Variants in TSC2 observed in about 807,000 individuals in gnomAD.
The protein encoded by TSC2 is tuberin.
TSC2 carries 29 observed loss-of-function variants against 202.2 expected under a neutral mutation model. That is an observed-to-expected ratio of 0.14 (90% confidence interval 0.11 to 0.20). The LOEUF (loss-of-function observed/expected upper bound fraction) is 0.20. Ranked by LOEUF, TSC2 falls within the 10% of genes least tolerant of loss-of-function variation. The probability of loss-of-function intolerance (pLI) is 1.00; values close to 1 mark genes in which losing one functional copy is unlikely to be tolerated. For synonymous variants in TSC2, 1,349 were observed against 1,044.0 expected (o/e 1.29, Z -5.63); for missense variants, 2,429 against 2,420.0 (o/e 1.00, Z -0.08).
chr16:2,088,898 C>CACACACAG lies in TSC2; in HGVS notation c.*289_*290insCACACAGA. 1 of 431,588 alleles carries CACACACAG rather than the reference C, an allele frequency of 2.3e-6. No individual in the cohort carries two copies. Among genetic ancestry groups the CACACACAG allele is most frequent in the Non-Finnish European group, 4.3e-6 (1 of 234,998 alleles). The allele number at this position is 431,588 out of a possible 1,614,324, so 26.7% of individuals were successfully genotyped here. On this transcript the variant is annotated 3_prime_UTR_variant, in exon 42 of 42. Transcript: ENST00000219476. ...GCGCGCGCGCACACACACACACACA[C>CACACACAG]AGTCACCTTCCTCCACCCTGGGAGC...
chr16:2,056,180 T>C lies in TSC2; in HGVS notation c.600-16T>C. 2 of 1,613,728 alleles carry C rather than the reference T, an allele frequency of 1.2e-6. No homozygotes were observed. The highest frequency in any genetic ancestry group is 2.2e-5 in the South Asian group (2 of 91,086). ...CCAGGCAGTGCTGCCGGGACTGAGC[T>C]CGGTGCTCCCTGCAGGATGATCTGT... On this transcript the variant is annotated splice_polypyrimidine_tract_variant and intron_variant, in intron 6 of 41. Coordinates refer to ENST00000219476, the MANE Select transcript of TSC2 (RefSeq NM_000548.5).
chr16:2,057,088 C>T lies in TSC2; in HGVS notation c.775-17C>T, dbSNP rs137854299. ...GGCTTATGCCTGCCAGCCCCTGACA[C>T]GCATTGTGTCTCGCAGCTGATGCGG... On this transcript the variant is annotated splice_polypyrimidine_tract_variant and intron_variant, in intron 8 of 41. Coordinates refer to ENST00000219476, the MANE Select transcript of TSC2 (RefSeq NM_000548.5). The T allele has an allele frequency of 1.4e-5, 21 of 1,550,848 alleles. No homozygotes were observed. The highest frequency in any genetic ancestry group is 5.5e-5 in the African/African-American group (4 of 73,024).
rs587778739 is a variant in TSC2 at position 2,084,557 on chromosome 16, G to A, written c.4335G>A (p.Leu1445=). ...EDSRGQPEGP[L]PSSSPRSPSG... Reference sequence around the variant, plus strand: ...GTCGGGGCCAGCCCGAGGGTCCCTTGCCTTCCAGCTCCCCCCGCTCGCCCA... The same window carrying A: ...GTCGGGGCCAGCCCGAGGGTCCCTTACCTTCCAGCTCCCCCCGCTCGCCCA... The change falls in exon 34 of 42, where the codon TTG becomes TTA. Residue 1445 remains leucine, a synonymous_variant. Transcript: ENST00000219476. The A allele has an allele frequency of 6.2e-7, 1 of 1,608,940 alleles. No individual in the cohort carries two copies. Among genetic ancestry groups the A allele is most frequent in the Non-Finnish European group, 8.5e-7 (1 of 1,179,640 alleles).
In TSC2 at chr16:2,070,532, A is replaced by T. The variant is rs45509791; in HGVS notation, c.1793A>T (p.Tyr598Phe). 2 of 1,613,316 alleles carry T rather than the reference A, an allele frequency of 1.2e-6. No individual in the cohort carries two copies. Among genetic ancestry groups the T allele is most frequent in the Admixed American group, 3.3e-5 (2 of 60,028 alleles). ...CTGGTCAGCCACATTCAGCTCCACTACAAGCACAGCTACACCCTGCCAATC... is the reference window on the plus strand; with the variant it reads ...CTGGTCAGCCACATTCAGCTCCACTTCAAGCACAGCTACACCCTGCCAATC... Reference protein sequence around the residue: ...EMLVSHIQLHYKHSYTLPIAS... With the variant: ...EMLVSHIQLHFKHSYTLPIAS... Residue 598 changes from tyrosine to phenylalanine, a missense_variant, in exon 17 of 42, where the codon TAC becomes TTC. Coordinates refer to ENST00000219476, the MANE Select transcript of TSC2 (RefSeq NM_000548.5).
At position 2,088,676 on chromosome 16, in the gene TSC2, C is replaced by T. The variant is rs750251745; in HGVS notation, c.*66C>T. 8.0e-5 allele frequency: 122 copies of T among 1,529,016 alleles called. No individual in the cohort carries two copies. The highest frequency in any genetic ancestry group is 1.0e-4 in the Non-Finnish European group (119 of 1,136,758). The allele number at this position is 1,529,016 out of a possible 1,614,324, so 94.7% of individuals were successfully genotyped here. A position where few individuals can be genotyped will look rare whatever the true frequency, so the allele number is the denominator to read the frequency against. On this transcript the variant is annotated 3_prime_UTR_variant, in exon 42 of 42. Transcript: ENST00000219476. ...GCCTGTCAGTGAAATAAATAAAGTC[C>T]TGACCCCAGTGCACAGACATAGAGG...
At chr16:2,073,248 T>G (rs2088762601) in intron 21 of TSC2, among the ~76,000 whole-genome samples, 1 of 152,216 alleles carries the variant, frequency 6.6e-6, no homozygotes, top group Admixed American at 6.5e-5. Context: ...GAGCGTTGCC[T>G]GGCTTGTTCC....
chr16:2,083,050 G>A (rs1313028215), intron 32 of TSC2: 13 of 452,024 alleles, frequency 2.9e-5, no homozygotes, highest in Non-Finnish European at 4.9e-5. Flanking sequence ...GAGCTGGTTT[G>A]GAAGGGCTGC....
chr16:2,055,175 T>TGCAGCCCCA, intron 5 of TSC2: 1 of 621,414 alleles, frequency 1.6e-6, no homozygotes, highest in Non-Finnish European at 2.9e-6. Flanking sequence ...AGACCCTCTG[T>TGCAGCCCCA]GCAGCCCCAG....
chr16:2,072,522 G>T, intron 20 of TSC2, 159 bp downstream of exon 20: 1 of 1,213,788 alleles, frequency 8.2e-7, no homozygotes, highest in Non-Finnish European at 1.1e-6. Context: ...CTTGGGCAGG[G>T]TGGAGGGACC....
intron 32 of TSC2, chr16:2,083,419 C>T: frequency 1.7e-6 from 1 of 583,026 alleles, no homozygotes; most frequent in South Asian, 1.8e-5. Context: ...TACCTGGAGG[C>T]ACAGGGGTGG....
Position 2,056,215 on chromosome 16 carries a change from G to A in TSC2, c.619G>A (p.Val207Ile), listed in dbSNP as rs139929314. 54 of 1,614,020 alleles carry A rather than the reference G, an allele frequency of 3.3e-5. No individual in the cohort carries two copies. Among genetic ancestry groups the A allele is most frequent in the African/African-American group, 2.3e-4 (17 of 75,072 alleles). ...RMVQMICLLC[V>I]RTASSVDIEV... ...CTGCAGGATGATCTGTCTGCTGTGCGTCCGGACCGCGTCCTCTGTGGACAT... is the reference window on the plus strand; with the variant it reads ...CTGCAGGATGATCTGTCTGCTGTGCATCCGGACCGCGTCCTCTGTGGACAT... Residue 207 changes from valine (V) to isoleucine (I), a missense_variant, in exon 7 of 42, where the codon GTC becomes ATC. Val to Ile is a conservative substitution (Grantham distance 29). Transcript: ENST00000219476.
At chr16:2,058,661 C>T in intron 9 of TSC2, 86 bp from the exon 10 acceptor site, 3 of 1,537,344 alleles carry the variant, frequency 2.0e-6, no homozygotes, top group Non-Finnish European at 2.6e-6. Flanking sequence ...GGGGCTGCTG[C>T]AGGAGCCTCG....
chr16:2,071,693 G>T (rs1368154862), intron 18 of TSC2, 77 bp downstream of exon 18: 1 of 1,601,278 alleles, frequency 6.2e-7, no homozygotes, highest in East Asian at 2.3e-5. Flanking sequence ...CTGTTTGCAT[G>T]TCTGAGGGAT....
chr16:2,064,484 A>G (rs1051444251), intron 15 of TSC2, 57 bp downstream of exon 15: 4 of 1,609,606 alleles, frequency 2.5e-6, no homozygotes, highest in Non-Finnish European at 3.4e-6. Flanking sequence ...CGTGGGCAGC[A>G]ATGGCCTCTG....
At position 2,055,339 on chromosome 16, in the gene TSC2, G is replaced by A. The variant is rs1596270045; in HGVS notation, c.482-63G>A. The A allele has an allele frequency of 3.1e-6, 4 of 1,275,688 alleles. No homozygotes were observed. In the East Asian group the frequency reaches 9.3e-5, roughly 30 times the overall value. The allele number at this position is 1,275,688 out of a possible 1,614,324, so 79.0% of individuals were successfully genotyped here. On this transcript the variant is annotated intron_variant, in intron 5 of 41. Transcript: ENST00000219476. ...TTGGACACACTGTCCTGCGGCGGGA[G>A]GGGGAGGTGAGTGGGAGATGTAGAT...
intron 25 of TSC2, among the ~76,000 whole-genome samples, chr16:2,076,858 G>A (rs546284007): frequency 1.6e-4 from 24 of 152,304 alleles, no homozygotes; most frequent in African/African-American, 5.1e-4. Context: ...TGAGCCCCTC[G>A]AAGGAGCCGG....
intron 11 of TSC2, chr16:2,061,277 G>C: frequency 6.8e-6 from 2 of 295,766 alleles, no homozygotes; most frequent in Non-Finnish European, 1.3e-5. Flanking sequence ...AGCAGCCTCA[G>C]GGCTGTGCCT....
intron 1 of TSC2, 149 bp downstream of exon 1, chr16:2,048,214 T>G: frequency 6.6e-7 from 1 of 1,505,826 alleles, no homozygotes; most frequent in Non-Finnish European, 9.0e-7. Context: ...TTTTAAGTCA[T>G]GGCGGGTGCG....
intron 20 of TSC2, 180 bp downstream of exon 20, chr16:2,072,543 C>T (rs1163876271): frequency 2.0e-6 from 2 of 1,007,150 alleles, no homozygotes; most frequent in African/African-American, 3.2e-5. Flanking sequence ...CCTGCCCCAG[C>T]TCGCAGCTTT....
Sources: allele counts gnomAD v4.1 joint callset (sites outside exome capture counted in the v4.1 genomes callset), GRCh38; gene constraint gnomAD v4.1.1; transcripts MANE v1.5; gene names NCBI Gene and HGNC (gene_info 2026-07-23, HGNC 2026-07-21).